The following UNC5C variants were observed in gnomAD, a reference collection of about 807,000 sequenced individuals.
UNC5C encodes unc-5 netrin receptor C.
Under a neutral mutation model 99.8 loss-of-function variants are expected in UNC5C, and 47 were observed. The ratio of observed to expected loss-of-function variants is 0.47; its 90% CI spans 0.37 to 0.60. The LOEUF (loss-of-function observed/expected upper bound fraction) is 0.60. UNC5C is among the 20% of genes least tolerant of loss of function. UNC5C has a pLI of 0.00. For synonymous variants in UNC5C, 487 were observed against 452.2 expected (o/e 1.08, Z -0.98); for missense variants, 1,062 against 1,165.9 (o/e 0.91, Z 1.30).
chr4:95,480,760 C>A (rs944216018), intron 1 of UNC5C, among the ~76,000 whole-genome samples: 3 of 152,066 alleles, frequency 2.0e-5, no homozygotes, highest in Non-Finnish European at 4.4e-5. Flanking sequence ...AAAAAAACCA[C>A]ATGATTATCT....
intron 1 of UNC5C, among the ~76,000 whole-genome samples, chr4:95,449,399 T>C (rs1029961069): frequency 5.8e-4 from 89 of 152,288 alleles, no homozygotes; most frequent in African/African-American, 2.1e-3. Flanking sequence ...TAATATGAGA[T>C]TCATCAATGA....
chr4:95,494,021 T>C (rs1228458989), intron 1 of UNC5C, among the ~76,000 whole-genome samples: 1 of 151,484 alleles, frequency 6.6e-6, no homozygotes. Flanking sequence ...ATATCAAAAT[T>C]CAATAAGGAG....
At chr4:95,240,283 C>A (rs1739281897) in intron 7 of UNC5C, among the ~76,000 whole-genome samples, 1 of 152,094 alleles carries the variant, frequency 6.6e-6, no homozygotes, top group African/African-American at 2.4e-5. Flanking sequence ...AATGGCCAAA[C>A]AATATTATTT....
chr4:95,216,310 T>A, intron 9 of UNC5C, 99 bp from the exon 10 acceptor site: 2 of 868,884 alleles, frequency 2.3e-6, no homozygotes, highest in Non-Finnish European at 3.6e-6. Context: ...CCTGCTTCAT[T>A]TTCTCTAAAG....
At chr4:95,220,592 T>C (rs1029160203) in intron 7 of UNC5C, among the ~76,000 whole-genome samples, 1 of 152,204 alleles carries the variant, frequency 6.6e-6, no homozygotes, top group Non-Finnish European at 1.5e-5. Flanking sequence ...ATGTTTTAAA[T>C]CTGCATATTT....
chr4:95,215,465 G>A (rs1204764956), intron 10 of UNC5C, among the ~76,000 whole-genome samples: 2 of 152,188 alleles, frequency 1.3e-5, no homozygotes, highest in Non-Finnish European at 2.9e-5. Context: ...ACTGAAAATT[G>A]AATTTAGGAC....
intron 2 of UNC5C, among the ~76,000 whole-genome samples, chr4:95,332,952 C>A (rs1328880665): frequency 6.6e-6 from 1 of 152,036 alleles, no homozygotes; most frequent in Admixed American, 6.6e-5. Context: ...TTTATGTAGC[C>A]AAAAAACACA....
At position 95,228,424 on chromosome 4, in the gene UNC5C, C is replaced by A. The variant is rs1244411293; in HGVS notation, c.1109-8248G>T. 3.3e-5 allele frequency among the ~76,000 whole-genome samples: 5 copies of A among 152,320 alleles called. 1 individual carries two copies. Among genetic ancestry groups the A allele is most frequent in the Admixed American group, 2.0e-4 (3 of 15,298 alleles). ...GAGAAATGTCATAACTTCTGAACAT[C>A]ATTAGCCAGGTTTAAATCCTCAAAA... On this transcript the variant is annotated intron_variant, in intron 7 of 15. Transcript: ENST00000453304.
At chr4:95,420,089 A>C (rs1210385857) in intron 1 of UNC5C, among the ~76,000 whole-genome samples, 2 of 152,170 alleles carry the variant, frequency 1.3e-5, no homozygotes, top group Non-Finnish European at 2.9e-5. Context: ...TGCGAAAACA[A>C]AGCATCCATA....
At chr4:95,460,533 C>T (rs1019107223) in intron 1 of UNC5C, among the ~76,000 whole-genome samples, 2 of 152,154 alleles carry the variant, frequency 1.3e-5, no homozygotes, top group Non-Finnish European at 2.9e-5. Flanking sequence ...CCCACGAGAT[C>T]TGACGGTTTT....
chr4:95,397,320 C>T (rs1745544079), intron 1 of UNC5C, among the ~76,000 whole-genome samples: 1 of 152,166 alleles, frequency 6.6e-6, no homozygotes, highest in South Asian at 2.1e-4. Context: ...TAAATCTGCA[C>T]CACCCTTGTA....
chr4:95,222,115 G>T, intron 7 of UNC5C: 1 of 858,056 alleles, frequency 1.2e-6, no homozygotes, highest in Non-Finnish European at 1.7e-6. Context: ...TATTTCCTGT[G>T]TGCACATCTG....
At chr4:95,477,670 G>A (rs1720975943) in intron 1 of UNC5C, among the ~76,000 whole-genome samples, 1 of 151,968 alleles carries the variant, frequency 6.6e-6, no homozygotes, top group South Asian at 2.1e-4. Flanking sequence ...CAACATATTA[G>A]CCTTTGTTCA....
intron 1 of UNC5C, among the ~76,000 whole-genome samples, chr4:95,425,513 A>G (rs1207892397): frequency 2.0e-5 from 3 of 152,008 alleles, no homozygotes; most frequent in South Asian, 2.1e-4. Context: ...CAGTAGAGAC[A>G]GGGTTTCACT....
intron 3 of UNC5C, among the ~76,000 whole-genome samples, chr4:95,283,008 G>C (rs1741116032): frequency 6.6e-6 from 1 of 152,082 alleles, no homozygotes; most frequent in Non-Finnish European, 1.5e-5. Context: ...GAAAACTTTT[G>C]CTTCTGAGGC....
At chr4:95,471,914 T>C (rs1747981528) in intron 1 of UNC5C, among the ~76,000 whole-genome samples, 1 of 152,036 alleles carries the variant, frequency 6.6e-6, no homozygotes, top group Non-Finnish European at 1.5e-5. Context: ...AGGTTAGAGG[T>C]ATTTTAGGCC....
At chr4:95,401,593 CTG>C (rs1262152511) in intron 1 of UNC5C, among the ~76,000 whole-genome samples, 1 of 152,202 alleles carries the variant, frequency 6.6e-6, no homozygotes, top group Non-Finnish European at 1.5e-5. Flanking sequence ...GAGTGAGCCA[CTG>C]TGCCTCACCC....
intron 3 of UNC5C, among the ~76,000 whole-genome samples, chr4:95,287,966 C>G (rs977176162): frequency 1.3e-5 from 2 of 152,068 alleles, no homozygotes; most frequent in African/African-American, 4.8e-5. Context: ...AATAATCTGG[C>G]AATTCCCTTT....
At chr4:95,512,073 G>A (rs1722090641) in intron 1 of UNC5C, among the ~76,000 whole-genome samples, 1 of 152,074 alleles carries the variant, frequency 6.6e-6, no homozygotes, top group Non-Finnish European at 1.5e-5. Context: ...AATGAAAATG[G>A]GTCTGGAGAA....
Sources: allele counts gnomAD v4.1 joint callset (sites outside exome capture counted in the v4.1 genomes callset), GRCh38; gene constraint gnomAD v4.1.1; transcripts MANE v1.5; gene names NCBI Gene and HGNC (gene_info 2026-07-23, HGNC 2026-07-21).